Variants in WDR88 observed in about 807,000 individuals in gnomAD.
WDR88 encodes WD repeat domain 88, also known as WD repeat-containing protein 88.
WDR88 carries 40 observed loss-of-function variants against 46.8 expected under a neutral mutation model. That is an observed-to-expected ratio of 0.86 (90% CI 0.66 to 1.11). The LOEUF (loss-of-function observed/expected upper bound fraction) is 1.11. Among genes scored for constraint, WDR88 ranks in the 50% most tolerant of loss-of-function variants. WDR88 has a pLI of 0.00. For synonymous variants in WDR88, 235 were observed against 240.7 expected (o/e 0.98, Z 0.22); for missense variants, 562 against 602.4 (o/e 0.93, Z 0.70).
chr19:33,160,540 C>G, intron 8 of WDR88, 44 bp downstream of exon 8: 1 of 1,600,534 alleles, frequency 6.2e-7, no homozygotes, highest in Non-Finnish European at 8.6e-7. Flanking sequence ...ACTTCCCTCC[C>G]GAGTCCTTCC....
intron 7 of WDR88, among the ~76,000 whole-genome samples, chr19:33,156,995 A>G (rs1314285416): frequency 6.6e-6 from 1 of 152,138 alleles, no homozygotes; most frequent in East Asian, 1.9e-4. Context: ...CAGGAGTTCA[A>G]GACCAGCCTG....
intron 9 of WDR88, among the ~76,000 whole-genome samples, chr19:33,165,315 T>C (rs1449609681): frequency 6.6e-6 from 1 of 151,830 alleles, no homozygotes. Flanking sequence ...CTGCCTAGCA[T>C]GATCAACTTT....
At position 33,144,942 on chromosome 19, in the gene WDR88, C is replaced by G; in HGVS notation, c.476+10C>G. 1 of 1,611,540 alleles carries G rather than the reference C, an allele frequency of 6.2e-7. No homozygotes were observed. Among genetic ancestry groups the G allele is most frequent in the Non-Finnish European group, 8.5e-7 (1 of 1,178,746 alleles). ...CCGGCGACAGCAGCAGGTGACCTTT[C>G]CCTCGTCTTACACTGGGAAGAGGGA... is the stretch of plus-strand genomic sequence containing the variant. On this transcript the variant is annotated intron_variant, in intron 3 of 10. Transcript: ENST00000355868.
At chr19:33,151,878 T>TA (rs1450810461) in intron 6 of WDR88, among the ~76,000 whole-genome samples, 1 of 151,468 alleles carries the variant, frequency 6.6e-6, no homozygotes, top group African/African-American at 2.4e-5. Context: ...AGACCCTGTC[T>TA]AAAAAAAATA....
chr19:33,172,959 G>T (rs1568373285), intron 10 of WDR88, among the ~76,000 whole-genome samples: 1 of 151,906 alleles, frequency 6.6e-6, no homozygotes, highest in Admixed American at 6.6e-5. Context: ...AGGCTTGGTG[G>T]TGCACACCTG....
intron 1 of WDR88, 126 bp downstream of exon 1, chr19:33,132,571 G>C: frequency 7.2e-7 from 1 of 1,388,240 alleles, no homozygotes; most frequent in Non-Finnish European, 9.7e-7. Context: ...GAGGCCCTAG[G>C]CCCATTTCCC....
intron 9 of WDR88, among the ~76,000 whole-genome samples, chr19:33,172,137 T>G (rs1974049010): frequency 6.6e-6 from 1 of 152,188 alleles, no homozygotes; most frequent in South Asian, 2.1e-4. Context: ...CTATTTATAT[T>G]CTTCAGTTTT....
At chr19:33,147,571 C>A in intron 3 of WDR88, 74 bp from the exon 4 acceptor site, 1 of 1,482,770 alleles carries the variant, frequency 6.7e-7, no homozygotes, top group South Asian at 1.2e-5. Flanking sequence ...CCACTGCACT[C>A]CAGCTGGGGC....
chr19:33,156,145 G>A (rs1465007436), intron 6 of WDR88, among the ~76,000 whole-genome samples: 1 of 152,252 alleles, frequency 6.6e-6, no homozygotes, highest in African/African-American at 2.4e-5. Context: ...TCTGGACCAT[G>A]GTAGGCAGTG....
At chr19:33,145,603 C>T (rs1179152129) in intron 3 of WDR88, among the ~76,000 whole-genome samples, 2 of 151,590 alleles carry the variant, frequency 1.3e-5, no homozygotes, top group South Asian at 2.1e-4. Flanking sequence ...GGTGCGATCT[C>T]GGCTCATTGC....
chr19:33,160,339 C>A, intron 7 of WDR88, 75 bp from the exon 8 acceptor site: 1 of 1,464,178 alleles, frequency 6.8e-7, no homozygotes, highest in East Asian at 2.3e-5. Flanking sequence ...CTCGCCAAGG[C>A]ATCTTCAGCT....
chr19:33,155,988 G>A (rs962912193), intron 6 of WDR88, among the ~76,000 whole-genome samples: 24 of 152,244 alleles, frequency 1.6e-4, no homozygotes, highest in Non-Finnish European at 3.4e-4. Context: ...GCACTACTTT[G>A]GGAGGCCAAG....
intron 2 of WDR88, among the ~76,000 whole-genome samples, chr19:33,143,840 G>A (rs1267747130): frequency 6.6e-6 from 1 of 151,832 alleles, no homozygotes; most frequent in Non-Finnish European, 1.5e-5. Flanking sequence ...TATGAAACTG[G>A]GACTGTACCA....
Position 33,148,325 on chromosome 19 carries a change from C to T in WDR88, c.541-447C>T, listed in dbSNP as rs369292267. Among the ~76,000 whole-genome samples, 5 of 152,246 alleles carry T rather than the reference C, an allele frequency of 3.3e-5. No individual in the cohort carries two copies. In the East Asian group the frequency reaches 7.7e-4, roughly 24 times the overall value. ...CTCCTGCAGGCCTTTTCTGTCCCTT[C>T]CTCCTTCCTTTCCTTAAAAAACAAC... On this transcript the variant is annotated intron_variant, in intron 4 of 10. Coordinates refer to ENST00000355868, the MANE Select transcript of WDR88 (RefSeq NM_173479.4).
At chr19:33,137,650 A>G (rs1460982362) in intron 1 of WDR88, 27 bp from the exon 2 acceptor site, 2 of 1,575,898 alleles carry the variant, frequency 1.3e-6, no homozygotes, top group Admixed American at 3.4e-5. Flanking sequence ...CAACATGTTT[A>G]GCTCATCTGG....
At chr19:33,173,975 C>T (rs1163589376) in intron 10 of WDR88, among the ~76,000 whole-genome samples, 1 of 152,154 alleles carries the variant, frequency 6.6e-6, no homozygotes, top group South Asian at 2.1e-4. Context: ...CTCAGCCTCC[C>T]GAGTAGCTGG....
At position 33,146,476 on chromosome 19, in the gene WDR88, C is replaced by T. The variant is rs865846624; in HGVS notation, c.477-1169C>T. Among the ~76,000 whole-genome samples the T allele has an allele frequency of 4.3e-4, 36 of 83,718 alleles. No individual in the cohort carries two copies. The East Asian group carries it at 4.7e-3, about 11-fold the overall frequency. The allele number at this position is 83,718 out of a possible 152,430, so 54.9% of individuals were successfully genotyped here. On this transcript the variant is annotated intron_variant, in intron 3 of 10. Transcript: ENST00000355868. ...CCTTCCTTCCTTCTTTCCTTCCTTCCTTCCTTCCTTCCTTCCTTCCCCTTC... is the reference window on the plus strand; with the variant it reads ...CCTTCCTTCCTTCTTTCCTTCCTTCTTTCCTTCCTTCCTTCCTTCCCCTTC...
intron 2 of WDR88, among the ~76,000 whole-genome samples, chr19:33,140,312 A>C (rs1457482567): frequency 6.6e-6 from 1 of 151,968 alleles, no homozygotes; most frequent in African/African-American, 2.4e-5. Flanking sequence ...GCACCACCAC[A>C]CCTAGCTAAT....
Position 33,151,269 on chromosome 19 carries a change from C to T in WDR88, c.768C>T (p.Ile256=), listed in dbSNP as rs904918151. ...ASVSLDRCIK[I]WDVTSQATLL... ...TCTCATTGGACAGGTGCATCAAGAT[C>T]TGGGATGTTACATCCCAGGCCACGC... The change falls in exon 6 of 11, where the codon ATC becomes ATT. Residue 256 remains isoleucine (I), a synonymous_variant. Transcript: ENST00000355868. 1 of 1,613,598 alleles carries T rather than the reference C, an allele frequency of 6.2e-7. No individual in the cohort carries two copies. Among genetic ancestry groups the T allele is most frequent in the African/African-American group, 1.3e-5 (1 of 74,924 alleles).
Sources: allele counts gnomAD v4.1 joint callset (sites outside exome capture counted in the v4.1 genomes callset), GRCh38; gene constraint gnomAD v4.1.1; transcripts MANE v1.5; gene names NCBI Gene and HGNC (gene_info 2026-07-23, HGNC 2026-07-21).